THADA: variants seen among roughly 807,000 people sequenced by gnomAD.
The protein encoded by THADA is THADA armadillo repeat containing, also known as tRNA (32-2'-O)-methyltransferase regulator THADA.
Under a neutral mutation model 219.8 loss-of-function variants are expected in THADA, and 213 were observed. That is an observed-to-expected ratio of 0.97 (90% CI 0.87 to 1.09). The LOEUF is 1.09. Ranked by LOEUF, THADA falls within the 50% of genes least tolerant of loss-of-function variation. The pLI is 0.00. For synonymous variants in THADA, 1,018 were observed against 828.9 expected, an observed-to-expected ratio of 1.23 and a Z score of -3.92; for missense variants, 2,956 against 2,311.3, an observed-to-expected ratio of 1.28 and a Z score of -5.72.
intron 36 of THADA, among the ~76,000 whole-genome samples, chr2:43,274,636 C>G (rs1014948676): frequency 6.6e-6 from 1 of 152,038 alleles, no homozygotes; most frequent in Non-Finnish European, 1.5e-5. Flanking sequence ...AGGGTGCTGT[C>G]GAGAAGATGG....
chr2:43,404,261 T>C (rs187472938), intron 28 of THADA, among the ~76,000 whole-genome samples: 2 of 152,234 alleles, frequency 1.3e-5, no homozygotes, highest in Non-Finnish European at 2.9e-5. Flanking sequence ...GGTTTGATCA[T>C]AGCTCACTGC....
rs774310093 is a variant in THADA, at chr2:43,592,381, C to T, written c.12G>A (p.Lys4=). 6.2e-7 allele frequency: 1 copy of T among 1,602,340 alleles called. No individual in the cohort carries two copies. The highest frequency in any genetic ancestry group is 8.5e-7 in the Non-Finnish European group (1 of 1,173,872). MGV[K]KKKEMQVAAL... ...CAGCAACTTGCATTTCTTTCTTCTTCTTTACACCCATTTTAAATAGAATTA... is the reference window on the plus strand; with the variant it reads ...CAGCAACTTGCATTTCTTTCTTCTTTTTTACACCCATTTTAAATAGAATTA... The change falls in exon 2 of 38, where the codon AAG becomes AAA. Residue 4 remains lysine, a synonymous_variant. Transcript: ENST00000405975.
chr2:43,583,907 G>A (rs1213806867), intron 7 of THADA, among the ~76,000 whole-genome samples: 1 of 151,908 alleles, frequency 6.6e-6, no homozygotes, highest in Non-Finnish European at 1.5e-5. Flanking sequence ...GGGCATAGTG[G>A]CGGACGTCTG....
chr2:43,380,271 G>A (rs181127630), intron 29 of THADA, among the ~76,000 whole-genome samples: 83 of 152,320 alleles, frequency 5.4e-4, no homozygotes, highest in Non-Finnish European at 7.1e-4. Flanking sequence ...ATGATGTTCT[G>A]ACTAGAAACC....
At chr2:43,340,970 C>G (rs1311266232) in intron 30 of THADA, among the ~76,000 whole-genome samples, 1 of 152,136 alleles carries the variant, frequency 6.6e-6, no homozygotes, top group African/African-American at 2.4e-5. Flanking sequence ...ATACCCAGTT[C>G]TATAATTTGC....
At chr2:43,506,118 T>A (rs1401470219) in intron 23 of THADA, among the ~76,000 whole-genome samples, 1 of 152,238 alleles carries the variant, frequency 6.6e-6, no homozygotes, top group Admixed American at 6.5e-5. Flanking sequence ...AAATTCTCTT[T>A]ACTTAAAAAG....
At chr2:43,272,891 G>A (rs1672293874) in intron 36 of THADA, among the ~76,000 whole-genome samples, 1 of 152,196 alleles carries the variant, frequency 6.6e-6, no homozygotes, top group East Asian at 1.9e-4. Flanking sequence ...CTCCGAAAGT[G>A]CTGGGATTAC....
At chr2:43,400,130 T>C (rs1674616942) in intron 28 of THADA, among the ~76,000 whole-genome samples, 1 of 152,152 alleles carries the variant, frequency 6.6e-6, no homozygotes, top group Non-Finnish European at 1.5e-5. Flanking sequence ...GCAGTGACTG[T>C]ACACTAAAGA....
At chr2:43,299,900 T>G (rs1572975438) in intron 31 of THADA, among the ~76,000 whole-genome samples, 2 of 149,552 alleles carry the variant, frequency 1.3e-5, no homozygotes, top group African/African-American at 4.9e-5. Context: ...TGGTGGTGCA[T>G]GCCTGTAATC....
intron 28 of THADA, among the ~76,000 whole-genome samples, chr2:43,416,586 T>G (rs183562320): frequency 1.3e-5 from 2 of 152,156 alleles, no homozygotes; most frequent in African/African-American, 4.8e-5. Context: ...TGGCATCTCT[T>G]GGGGGCTGGT....
At chr2:43,593,053 G>C (rs570745538) in intron 1 of THADA, among the ~76,000 whole-genome samples, 1 of 152,188 alleles carries the variant, frequency 6.6e-6, no homozygotes, top group South Asian at 2.1e-4. Context: ...AGTTGCTAGG[G>C]AAATGTCATA....
At chr2:43,503,980 T>C (rs1241119610) in intron 24 of THADA, among the ~76,000 whole-genome samples, 1 of 152,064 alleles carries the variant, frequency 6.6e-6, no homozygotes. Context: ...AGCACGGACA[T>C]GACATTCTAA....
At chr2:43,290,977 T>C (rs1167792996) in intron 34 of THADA, among the ~76,000 whole-genome samples, 1 of 152,150 alleles carries the variant, frequency 6.6e-6, no homozygotes, top group Non-Finnish European at 1.5e-5. Flanking sequence ...ATTTAAGCCT[T>C]AGCGATGTAT....
At chr2:43,481,327 T>A (rs1686193739) in intron 26 of THADA, among the ~76,000 whole-genome samples, 1 of 152,232 alleles carries the variant, frequency 6.6e-6, no homozygotes, top group African/African-American at 2.4e-5. Flanking sequence ...ATCCCATGAT[T>A]TTAGAAACAC....
intron 36 of THADA, among the ~76,000 whole-genome samples, chr2:43,234,352 G>A (rs1471164004): frequency 6.6e-6 from 1 of 152,186 alleles, no homozygotes; most frequent in African/African-American, 2.4e-5. Context: ...GTAAGCAGGT[G>A]AAAGTACTGA....
At chr2:43,430,936 G>A (rs1297889868) in intron 26 of THADA, among the ~76,000 whole-genome samples, 1 of 152,218 alleles carries the variant, frequency 6.6e-6, no homozygotes, top group Non-Finnish European at 1.5e-5. Context: ...GAGAAGTACA[G>A]TCTTGGCATG....
chr2:43,529,294 G>A (rs1488144003), intron 21 of THADA, among the ~76,000 whole-genome samples: 3 of 152,054 alleles, frequency 2.0e-5, no homozygotes, highest in Non-Finnish European at 4.4e-5. Context: ...TTAGCCTCCT[G>A]AGCAGCTAGG....
At chr2:43,404,962 T>C (rs762869995) in intron 28 of THADA, among the ~76,000 whole-genome samples, 1 of 152,254 alleles carries the variant, frequency 6.6e-6, no homozygotes, top group Non-Finnish European at 1.5e-5. Flanking sequence ...AAAACCTTTA[T>C]ACACATTTAC....
intron 26 of THADA, among the ~76,000 whole-genome samples, chr2:43,456,542 T>A (rs1683018567): frequency 6.6e-6 from 1 of 152,112 alleles, no homozygotes; most frequent in South Asian, 2.1e-4. Context: ...TAAATAATTT[T>A]ACATTTTCTT....
Sources: gnomAD v4.1 joint callset for allele counts (sites outside exome capture counted in the v4.1 genomes callset) on GRCh38, gnomAD v4.1.1 for gene constraint, MANE v1.5 for transcripts, NCBI Gene and HGNC (gene_info 2026-07-23, HGNC 2026-07-21) for gene names.